Variants in NDUFB2 observed in about 807,000 individuals in gnomAD.
NDUFB2 encodes NADH:ubiquinone oxidoreductase subunit B2.
Under a neutral mutation model 13.4 loss-of-function variants are expected in NDUFB2, and 13 were observed. The ratio of observed to expected loss-of-function variants is 0.97; its 90% confidence interval spans 0.63 to 1.54. NDUFB2 has a LOEUF of 1.54. Ranked by LOEUF, NDUFB2 falls within the 40% of genes most tolerant of loss-of-function variation. NDUFB2 has a pLI of 0.00. For synonymous variants in NDUFB2, 47 were observed against 50.6 expected (o/e 0.93, Z 0.30); for missense variants, 150 against 139.7 (o/e 1.07, Z -0.37).
intron 1 of NDUFB2, among the ~76,000 whole-genome samples, chr7:140,698,686 G>T (rs780916214): frequency 2.0e-5 from 3 of 152,178 alleles, no homozygotes; most frequent in African/African-American, 7.2e-5. Context: ...CGCAGGGTTG[G>T]CAGGAGGCCA....
chr7:140,696,865 G>A (rs1313478456), intron 1 of NDUFB2, 23 bp downstream of exon 1: 2 of 1,579,456 alleles, frequency 1.3e-6, no homozygotes, highest in Non-Finnish European at 1.7e-6. Flanking sequence ...CTGGGGATGG[G>A]GGCCTCGCCG....
chr7:140,697,126 C>A (rs1187290683), intron 1 of NDUFB2: 4 of 591,634 alleles, frequency 6.8e-6, no homozygotes, highest in Non-Finnish European at 1.2e-5. Context: ...GCGGAGCGGG[C>A]TGAGCCAGTC....
At chr7:140,699,261 ATGT>A (rs1421111999) in intron 1 of NDUFB2, among the ~76,000 whole-genome samples, 1 of 152,154 alleles carries the variant, frequency 6.6e-6, no homozygotes, top group Non-Finnish European at 1.5e-5. Flanking sequence ...ATTTCCTTGG[ATGT>A]TGTTTCTTCC....
chr7:140,697,175 G>T lies in NDUFB2; in HGVS notation c.98+333G>T, dbSNP rs543352741. On this transcript the variant is annotated intron_variant, in intron 1 of 3. Coordinates refer to ENST00000247866, the MANE Select transcript of NDUFB2 (RefSeq NM_004546.3). Reference sequence around the variant, plus strand: ...GCGGTCCAGGCGGAGGAAGCAGCGTGCGCGGCGGGTGTGGACGCTCCTGGA... The same window carrying T: ...GCGGTCCAGGCGGAGGAAGCAGCGTTCGCGGCGGGTGTGGACGCTCCTGGA... 40 of 598,158 alleles carry T rather than the reference G, an allele frequency of 6.7e-5. No individual in the cohort carries two copies. In the East Asian group the frequency reaches 1.1e-3, roughly 17 times the overall value. 37.1% of individuals were successfully genotyped at this position (598,158 alleles called of 1,614,324 possible).
chr7:140,700,698 A>G (rs1251852747), intron 1 of NDUFB2: 1 of 151,770 alleles, frequency 6.6e-6, no homozygotes, highest in Non-Finnish European at 1.5e-5. Context: ...CTGAGGCAGG[A>G]GAATTGCTCG....
In NDUFB2 at chr7:140,696,764, T is replaced by A. The variant is rs1221710242; in HGVS notation, c.20T>A (p.Leu7Gln). 6.2e-7 allele frequency: 1 copy of A among 1,602,746 alleles called. No individual in the cohort carries two copies. Among genetic ancestry groups the A allele is most frequent in the Admixed American group, 1.7e-5 (1 of 58,572 alleles). ...GCGAGTATGTCCGCTCTGACTCGGC[T>A]GGCGTCTTTCGCTCGCGTTGGAGGC... is the stretch of plus-strand genomic sequence containing the variant. The part of the protein sequence containing the change: MSALTR[L>Q]ASFARVGGRL... The change falls in exon 1 of 4, where the codon CTG becomes CAG. Residue 7 changes from leucine (L) to glutamine (Q), a missense_variant. By Grantham distance (113) the Leu-to-Gln change is moderately radical (BLOSUM62 -2). Coordinates refer to ENST00000247866, the MANE Select transcript of NDUFB2 (RefSeq NM_004546.3).
intron 1 of NDUFB2, 160 bp from the exon 2 acceptor site, chr7:140,702,706 G>A: frequency 1.2e-6 from 1 of 855,496 alleles, no homozygotes; most frequent in South Asian, 2.5e-5. Flanking sequence ...AGCAAGCTTA[G>A]TAAAAAGTGA....
At chr7:140,697,226 G>A (rs1393657229) in intron 1 of NDUFB2, 3 of 677,374 alleles carry the variant, frequency 4.4e-6, no homozygotes, top group Non-Finnish European at 8.1e-6. Context: ...GCGGCGGTGA[G>A]GCCTAGGGAG....
rs1268643720 is a variant in NDUFB2 at position 140,697,416 on chromosome 7, C to T, written c.98+574C>T. The T allele has an allele frequency of 4.3e-6, 3 of 702,586 alleles. No homozygotes were observed. In the East Asian group the frequency reaches 8.1e-5, roughly 19 times the overall value. The allele number at this position is 702,586 out of a possible 1,614,324, so 43.5% of individuals were successfully genotyped here. A position where few individuals can be genotyped will look rare whatever the true frequency, so the allele number is the denominator to read the frequency against. On this transcript the variant is annotated intron_variant, in intron 1 of 3. Coordinates refer to ENST00000247866, the MANE Select transcript of NDUFB2 (RefSeq NM_004546.3). ...GGTGAGAGGAGCAGAAAGCCGGAAG[C>T]CAACGCTGGGGCAGCCGTGGCGTTT...
intron 1 of NDUFB2, chr7:140,701,993 T>C (rs1177084982): frequency 5.7e-6 from 4 of 698,036 alleles, no homozygotes; most frequent in African/African-American, 1.8e-5. Flanking sequence ...ACCACTGCCC[T>C]GTTACTGTTC....
intron 3 of NDUFB2, 37 bp downstream of exon 3, chr7:140,705,000 C>CT: frequency 8.6e-7 from 1 of 1,167,000 alleles, no homozygotes; most frequent in South Asian, 1.7e-5. Flanking sequence ...TCATATTTAC[C>CT]TTTTTTCATA....
chr7:140,705,046 GA>G (rs1240913550), intron 3 of NDUFB2, 83 bp downstream of exon 3: 3 of 631,102 alleles, frequency 4.8e-6, no homozygotes, highest in Admixed American at 7.3e-5. Context: ...TGATGGACTT[GA>G]AAAAACTGCA....
At chr7:140,706,325 C>G (rs748526838) in intron 3 of NDUFB2, 2 of 152,082 alleles carry the variant, frequency 1.3e-5, no homozygotes, top group Non-Finnish European at 2.9e-5. Flanking sequence ...TGATCCACCT[C>G]TTGGCTTCCC....
intron 1 of NDUFB2, chr7:140,697,148 G>A (rs575539164): frequency 4.9e-5 from 29 of 591,172 alleles, no homozygotes; most frequent in African/African-American, 4.4e-4. Flanking sequence ...GCGCCGGCGC[G>A]GGCGGTCCAG....
rs149563718 is a variant in NDUFB2 at position 140,699,737 on chromosome 7, T to C, written c.98+2895T>C. ...TTGCTTAGCTTCCAGGCCTTGTTTT[T>C]ACTTGAATTTTGCTCTTGGTGGATT... On this transcript the variant is annotated intron_variant, in intron 1 of 3. Coordinates refer to ENST00000247866, the MANE Select transcript of NDUFB2 (RefSeq NM_004546.3). Among the ~76,000 whole-genome samples, 242 of 151,690 alleles carry C rather than the reference T, an allele frequency of 1.6e-3. 3 individuals are homozygous for C. Among genetic ancestry groups the C allele is most frequent in the African/African-American group, 5.0e-3 (205 of 41,344 alleles).
intron 1 of NDUFB2, chr7:140,701,989 G>A (rs1052464608): frequency 1.4e-6 from 1 of 696,290 alleles, no homozygotes; most frequent in Non-Finnish European, 2.6e-6. Flanking sequence ...AAGAACCACT[G>A]CCCTGTTACT....
chr7:140,699,005 A>G (rs891093210), intron 1 of NDUFB2, among the ~76,000 whole-genome samples: 1 of 152,068 alleles, frequency 6.6e-6, no homozygotes, highest in Non-Finnish European at 1.5e-5. Context: ...TAAAAACACA[A>G]AAATTAGCTG....
intron 1 of NDUFB2, chr7:140,700,310 A>T (rs1794877743): frequency 6.6e-6 from 1 of 151,400 alleles, no homozygotes; most frequent in Non-Finnish European, 1.5e-5. Flanking sequence ...TTTAGTAGAG[A>T]CGAGGTTTTT....
intron 1 of NDUFB2, chr7:140,698,288 A>G (rs1176921004): frequency 7.4e-7 from 1 of 1,350,864 alleles, no homozygotes; most frequent in Admixed American, 1.9e-5. Context: ...TGTTCGTAAC[A>G]CACACTTGTT....
Sources: gnomAD v4.1 joint callset for allele counts (sites outside exome capture counted in the v4.1 genomes callset) on GRCh38, gnomAD v4.1.1 for gene constraint, MANE v1.5 for transcripts, NCBI Gene and HGNC (gene_info 2026-07-23, HGNC 2026-07-21) for gene names.